The following HS6ST3 variants were observed in gnomAD, a reference collection of about 807,000 sequenced individuals.
HS6ST3 encodes the protein heparan sulfate 6-O-sulfotransferase 3.
Under a neutral mutation model 36.7 loss-of-function variants are expected in HS6ST3, and 12 were observed. That is an observed-to-expected ratio of 0.33 (90% CI 0.21 to 0.53). HS6ST3 has a LOEUF of 0.53. Ranked by LOEUF, HS6ST3 falls within the 20% of genes least tolerant of loss-of-function variation. The probability of loss-of-function intolerance (pLI) is 0.95; values close to 1 mark genes in which losing one functional copy is unlikely to be tolerated. For missense variants in HS6ST3, 584 were observed against 640.9 expected, an observed-to-expected ratio of 0.91 and a Z score of 0.96; for synonymous variants, 240 against 257.5, an observed-to-expected ratio of 0.93 and a Z score of 0.65.
At chr13:96,619,281 C>T (rs370506059) in intron 1 of HS6ST3, among the ~76,000 whole-genome samples, 4 of 152,288 alleles carry the variant, frequency 2.6e-5, no homozygotes, top group East Asian at 1.9e-4. Flanking sequence ...GGATTGAAAA[C>T]GTACTCCATG....
At chr13:96,120,526 T>A (rs2053920181) in intron 1 of HS6ST3, among the ~76,000 whole-genome samples, 2 of 152,226 alleles carry the variant, frequency 1.3e-5, no homozygotes, top group South Asian at 4.1e-4. Context: ...TCAATTTATT[T>A]CCTATACATC....
At chr13:96,196,656 A>G (rs1431175801) in intron 1 of HS6ST3, among the ~76,000 whole-genome samples, 2 of 152,204 alleles carry the variant, frequency 1.3e-5, no homozygotes, top group Non-Finnish European at 2.9e-5. Context: ...TTAAGAAGAC[A>G]TGGGTGTGCA....
chr13:96,121,175 G>A (rs1333266396), intron 1 of HS6ST3, among the ~76,000 whole-genome samples: 1 of 152,188 alleles, frequency 6.6e-6, no homozygotes, highest in African/African-American at 2.4e-5. Context: ...TTTTAGAAAT[G>A]CCTTCCTTTC....
At chr13:96,258,129 G>GAACTTA (rs534216763) in intron 1 of HS6ST3, among the ~76,000 whole-genome samples, 141 of 152,250 alleles carry the variant, frequency 9.3e-4, no homozygotes, top group African/African-American at 3.2e-3. Flanking sequence ...GTTCTGAAGT[G>GAACTTA]GTAGTTCTTT....
chr13:96,779,783 A>C (rs1877479928), intron 1 of HS6ST3, among the ~76,000 whole-genome samples: 1 of 151,730 alleles, frequency 6.6e-6, no homozygotes, highest in Non-Finnish European at 1.5e-5. Context: ...AAAAAAAAAA[A>C]AAACATTGTT....
At chr13:96,538,263 A>G (rs1191051493) in intron 1 of HS6ST3, among the ~76,000 whole-genome samples, 2 of 152,270 alleles carry the variant, frequency 1.3e-5, no homozygotes, top group Non-Finnish European at 2.9e-5. Flanking sequence ...TGAATAATTT[A>G]TGCAGTAAGT....
chr13:96,718,908 G>T (rs918946821), intron 1 of HS6ST3, among the ~76,000 whole-genome samples: 1 of 152,124 alleles, frequency 6.6e-6, no homozygotes, highest in African/African-American at 2.4e-5. Flanking sequence ...TTATAAAGAT[G>T]CTTGTTCCTT....
chr13:96,464,758 G>T (rs1470600630), intron 1 of HS6ST3, among the ~76,000 whole-genome samples: 1 of 152,006 alleles, frequency 6.6e-6, no homozygotes, highest in Non-Finnish European at 1.5e-5. Context: ...TCTGATTTGG[G>T]CAATTATGTG....
intron 1 of HS6ST3, among the ~76,000 whole-genome samples, chr13:96,819,591 G>A (rs757712573): frequency 3.9e-5 from 6 of 152,114 alleles, no homozygotes; most frequent in Non-Finnish European, 7.4e-5. Flanking sequence ...GCACCTTAAG[G>A]TCAGGCCACG....
chr13:96,805,843 A>G (rs1413357058), intron 1 of HS6ST3, among the ~76,000 whole-genome samples: 1 of 152,210 alleles, frequency 6.6e-6, no homozygotes, highest in Non-Finnish European at 1.5e-5. Flanking sequence ...AGCATTAGAA[A>G]TGCATAAAGT....
intron 1 of HS6ST3, among the ~76,000 whole-genome samples, chr13:96,567,141 T>G (rs1288309222): frequency 1.3e-5 from 2 of 152,172 alleles, no homozygotes; most frequent in South Asian, 2.1e-4. Context: ...TTCTTTTATC[T>G]TCTCTCTTCT....
At chr13:96,415,251 A>G (rs1015974663) in intron 1 of HS6ST3, among the ~76,000 whole-genome samples, 2 of 152,030 alleles carry the variant, frequency 1.3e-5, no homozygotes, top group African/African-American at 4.8e-5. Context: ...GGGAGTGGGA[A>G]CCTATGAGGA....
At chr13:96,382,814 A>G (rs981849181) in intron 1 of HS6ST3, among the ~76,000 whole-genome samples, 4 of 152,244 alleles carry the variant, frequency 2.6e-5, no homozygotes, top group Non-Finnish European at 4.4e-5. Flanking sequence ...TATATTATTA[A>G]GATTTCTTCT....
chr13:96,393,997 A>T (rs1194139929), intron 1 of HS6ST3, among the ~76,000 whole-genome samples: 1 of 152,220 alleles, frequency 6.6e-6, no homozygotes, highest in African/African-American at 2.4e-5. Context: ...GCAAAGAGTG[A>T]TCTTAGTCAC....
chr13:96,247,672 C>A (rs557198079), intron 1 of HS6ST3, among the ~76,000 whole-genome samples: 93 of 152,176 alleles, frequency 6.1e-4, no homozygotes, highest in Admixed American at 3.5e-3. Context: ...AAGCCCCTTC[C>A]TTCCTTTCTC....
chr13:96,234,945 T>C (rs1163960421), intron 1 of HS6ST3, among the ~76,000 whole-genome samples: 4 of 152,192 alleles, frequency 2.6e-5, no homozygotes, highest in African/African-American at 7.2e-5. Flanking sequence ...GTAGATAATA[T>C]CTAAAGATAT....
chr13:96,493,250 G>A (rs2055955604), intron 1 of HS6ST3, among the ~76,000 whole-genome samples: 1 of 152,044 alleles, frequency 6.6e-6, no homozygotes, highest in African/African-American at 2.4e-5. Context: ...TTTGGAGGGA[G>A]GTTACCTTAA....
At chr13:96,588,529 A>G (rs182256195) in intron 1 of HS6ST3, among the ~76,000 whole-genome samples, 213 of 152,324 alleles carry the variant, frequency 1.4e-3, no homozygotes, top group African/African-American at 4.9e-3. Flanking sequence ...GTGATGTGCC[A>G]CATTTGCTGA....
At chr13:96,245,367 C>T (rs534100761) in intron 1 of HS6ST3, among the ~76,000 whole-genome samples, 19 of 152,240 alleles carry the variant, frequency 1.2e-4, no homozygotes, top group African/African-American at 3.4e-4. Flanking sequence ...ACTATCTTAC[C>T]GTCTTCAATG....
Sources: allele counts gnomAD v4.1 joint callset (sites outside exome capture counted in the v4.1 genomes callset), GRCh38; gene constraint gnomAD v4.1.1; transcripts MANE v1.5; gene names NCBI Gene and HGNC (gene_info 2026-07-23, HGNC 2026-07-21).